COMMD10: variants seen among roughly 807,000 people sequenced by gnomAD.
The protein encoded by COMMD10 is COMM domain-containing protein 10.
COMMD10 carries 33 observed loss-of-function variants against 28.9 expected under a neutral mutation model. The ratio of observed to expected loss-of-function variants is 1.14; its 90% CI spans 0.87 to 1.53. COMMD10 has a LOEUF of 1.53. Ranked by LOEUF, COMMD10 falls within the 40% of genes most tolerant of loss-of-function variation. The pLI, the probability that COMMD10 is intolerant of heterozygous loss-of-function variation, is 0.00. For synonymous variants in COMMD10, 110 were observed against 81.7 expected, an observed-to-expected ratio of 1.35 and a Z score of -1.87; for missense variants, 310 against 233.4, an observed-to-expected ratio of 1.33 and a Z score of -2.14.
At chr5:116,287,128 G>A (rs1318687129) in intron 5 of COMMD10, among the ~76,000 whole-genome samples, 1 of 151,588 alleles carries the variant, frequency 6.6e-6, no homozygotes, top group African/African-American at 2.4e-5. Flanking sequence ...ATGTCATTTT[G>A]TTCAGTGTCC....
At chr5:116,107,016 CATT>C (rs1002045954) in intron 4 of COMMD10, among the ~76,000 whole-genome samples, 1 of 152,186 alleles carries the variant, frequency 6.6e-6, no homozygotes, top group Admixed American at 6.5e-5. Context: ...TTGATCCTGT[CATT>C]ATGATGGTAG....
intron 5 of COMMD10, among the ~76,000 whole-genome samples, chr5:116,243,304 A>G (rs1211681408): frequency 1.3e-5 from 2 of 152,196 alleles, no homozygotes; most frequent in African/African-American, 4.8e-5. Flanking sequence ...ATACATGTTC[A>G]GGGAAAGCCT....
At chr5:116,163,459 G>A (rs111375106) in intron 5 of COMMD10, among the ~76,000 whole-genome samples, 9,315 of 149,362 alleles carry the variant, frequency 0.062, 363 homozygotes, top group African/African-American at 0.11. Context: ...GCTTGGTGGC[G>A]GATGCCTGTA....
chr5:116,183,588 TTG>T (rs1405950947), intron 5 of COMMD10, among the ~76,000 whole-genome samples: 1 of 152,144 alleles, frequency 6.6e-6, no homozygotes, highest in Non-Finnish European at 1.5e-5. Flanking sequence ...GTAACTTTCT[TTG>T]TGTTCTGAGA....
intron 5 of COMMD10, among the ~76,000 whole-genome samples, chr5:116,271,464 C>T (rs1007412805): frequency 6.6e-6 from 1 of 151,264 alleles, no homozygotes; most frequent in Non-Finnish European, 1.5e-5. Context: ...ACTTTTGTTT[C>T]CTATCTCAAA....
intron 5 of COMMD10, among the ~76,000 whole-genome samples, chr5:116,271,309 T>A (rs1209229086): frequency 6.8e-6 from 1 of 147,146 alleles, no homozygotes; most frequent in African/African-American, 2.5e-5. Context: ...ATATATAAAA[T>A]ATATATAAAA....
chr5:116,139,491 T>C (rs1408624135), intron 5 of COMMD10, among the ~76,000 whole-genome samples: 1 of 151,738 alleles, frequency 6.6e-6, no homozygotes, highest in Non-Finnish European at 1.5e-5. Context: ...ATTCTTGTTA[T>C]AGAAATTTAA....
intron 5 of COMMD10, among the ~76,000 whole-genome samples, chr5:116,148,126 T>A (rs1752402770): frequency 1.3e-5 from 2 of 152,030 alleles, no homozygotes; most frequent in African/African-American, 4.8e-5. Flanking sequence ...ACTAACATGT[T>A]GACTAAAGTG....
At chr5:116,102,765 C>T (rs1750707148) in intron 4 of COMMD10, among the ~76,000 whole-genome samples, 1 of 152,062 alleles carries the variant, frequency 6.6e-6, no homozygotes. Context: ...TTGCTGCACC[C>T]ATCAACCCGT....
chr5:116,085,339 G>A (rs1276179904), intron 1 of COMMD10: 4 of 509,330 alleles, frequency 7.9e-6, no homozygotes, highest in African/African-American at 6.1e-5. Context: ...AGGTCTGTAC[G>A]GAAGCGTGTG....
rs911543844 is a variant in COMMD10, at chr5:116,204,097, C to G, written c.510+69919C>G. On this transcript the variant is annotated intron_variant, in intron 5 of 6. Transcript: ENST00000274458. Reference sequence around the variant, plus strand: ...AAAGGCAGGGGTTGCATCCTAGTCTCTGATAAAACAGACTTTAAACCAACA... The same window carrying G: ...AAAGGCAGGGGTTGCATCCTAGTCTGTGATAAAACAGACTTTAAACCAACA... Among the ~76,000 whole-genome samples, 3 of 152,104 alleles carry G rather than the reference C, an allele frequency of 2.0e-5. 1 individual carries two copies. The highest frequency in any genetic ancestry group is 2.0e-4 in the Admixed American group (3 of 15,278).
rs1249266282 is a variant in COMMD10, at chr5:116,248,822, C to CA, written c.511-42691dup. On this transcript the variant is annotated intron_variant, in intron 5 of 6. Coordinates refer to ENST00000274458, the MANE Select transcript of COMMD10 (RefSeq NM_016144.4). ...TCTCTTGGATCCGGAAATATACTGA[C>CA]AAAATTGAAATGGAAGACCAGAGAC... is the stretch of plus-strand genomic sequence containing the variant. Among the ~76,000 whole-genome samples, 7 of 151,810 alleles carry CA rather than the reference C, an allele frequency of 4.6e-5. No homozygotes were observed. In the East Asian group the frequency reaches 1.4e-3, roughly 29 times the overall value.
intron 4 of COMMD10, among the ~76,000 whole-genome samples, chr5:116,110,958 A>G (rs1751024392): frequency 6.6e-6 from 1 of 152,194 alleles, no homozygotes; most frequent in Non-Finnish European, 1.5e-5. Context: ...AACATTGGGT[A>G]TTACATTTCA....
chr5:116,202,970 G>A (rs977594260), intron 5 of COMMD10, among the ~76,000 whole-genome samples: 11 of 151,970 alleles, frequency 7.2e-5, no homozygotes, highest in African/African-American at 2.4e-4. Flanking sequence ...CCATGCCTAT[G>A]TCCTGAATGG....
chr5:116,253,508 C>G (rs173817), intron 5 of COMMD10, among the ~76,000 whole-genome samples: 15,363 of 144,650 alleles, frequency 0.11, 986 homozygotes, highest in East Asian at 0.25. Flanking sequence ...TAGCATGAAG[C>G]GTTGTTGAAT....
At chr5:116,180,425 A>G (rs1253823055) in intron 5 of COMMD10, among the ~76,000 whole-genome samples, 3 of 152,110 alleles carry the variant, frequency 2.0e-5, no homozygotes, top group Non-Finnish European at 4.4e-5. Flanking sequence ...GAAATGGAGT[A>G]CAAGAGAAGT....
In COMMD10 at chr5:116,212,416, A is replaced by G. The variant is rs539723318; in HGVS notation, c.510+78238A>G. On this transcript the variant is annotated intron_variant, in intron 5 of 6. Coordinates refer to ENST00000274458, the MANE Select transcript of COMMD10 (RefSeq NM_016144.4). ...TCTGTATTGGGGCTTTTTGCAGAGG[A>G]TTGGGGCTTTTTGCAGAGCAGGCCT... 3.2e-4 allele frequency among the ~76,000 whole-genome samples: 49 copies of G among 151,306 alleles called. 1 individual carries two copies. The East Asian group carries it at 9.4e-3, about 29-fold the overall frequency.
chr5:116,259,510 C>A (rs1750380477), intron 5 of COMMD10, among the ~76,000 whole-genome samples: 1 of 150,984 alleles, frequency 6.6e-6, no homozygotes, highest in Non-Finnish European at 1.5e-5. Flanking sequence ...GACTTTCTTG[C>A]TAATTTTTCC....
intron 5 of COMMD10, among the ~76,000 whole-genome samples, chr5:116,140,974 C>G (rs1020209223): frequency 3.3e-5 from 5 of 151,696 alleles, no homozygotes; most frequent in African/African-American, 7.3e-5. Context: ...GTTCCTCAAG[C>G]TTTTGGTGTG....
Sources: gnomAD v4.1 joint callset for allele counts (sites outside exome capture counted in the v4.1 genomes callset) on GRCh38, gnomAD v4.1.1 for gene constraint, MANE v1.5 for transcripts, NCBI Gene and HGNC (gene_info 2026-07-23, HGNC 2026-07-21) for gene names.